Variants in EDEM3 observed in about 807,000 individuals in gnomAD.
EDEM3 encodes ER degradation-enhancing alpha-mannosidase-like protein 3.
Under a neutral mutation model 110.2 loss-of-function variants are expected in EDEM3, and 60 were observed. The observed-to-expected ratio is 0.54, with a 90% CI of 0.44 to 0.67. The LOEUF (loss-of-function observed/expected upper bound fraction) is 0.67. EDEM3 is among the 30% of genes least tolerant of loss of function. The pLI, the probability that EDEM3 is intolerant of heterozygous loss-of-function variation, is 0.00. For synonymous variants in EDEM3, 352 were observed against 382.9 expected, an observed-to-expected ratio of 0.92 and a Z score of 0.94; for missense variants, 996 against 1,121.0, an observed-to-expected ratio of 0.89 and a Z score of 1.59.
intron 4 of EDEM3, among the ~76,000 whole-genome samples, chr1:184,735,965 A>C (rs1651799346): frequency 6.6e-6 from 1 of 152,176 alleles, no homozygotes; most frequent in South Asian, 2.1e-4. Context: ...TAAACCAAAA[A>C]CAAGGCACAC....
chr1:184,749,615 G>GC, intron 1 of EDEM3, 23 bp from the exon 2 acceptor site: 3 of 1,086,232 alleles, frequency 2.8e-6, no homozygotes, highest in Non-Finnish European at 3.6e-6. Flanking sequence ...GAGCAGAAAT[G>GC]GAAAAAAAAA....
intron 18 of EDEM3, among the ~76,000 whole-genome samples, chr1:184,704,649 CAAAAAAAAAAAAAAAAAAAA>C (rs58913815): frequency 3.3e-5 from 1 of 29,904 alleles, no homozygotes; most frequent in African/African-American, 1.1e-4. Context: ...GACTCTGTCT[CAAAAAAAAAAAAAAAAAAAA>C]AAAAAAAAAA....
rs1233691917 is a variant in EDEM3 at position 184,692,405 on chromosome 1, T to C, written c.*1658A>G. The C allele has an allele frequency of 6.6e-6, 1 of 152,110 alleles. No homozygotes were observed. The highest frequency in any genetic ancestry group is 1.5e-5 in the Non-Finnish European group (1 of 68,000). The allele number at this position is 152,110 out of a possible 1,614,324, so 9.4% of individuals were successfully genotyped here. A position where few individuals can be genotyped will look rare whatever the true frequency, so the allele number is the denominator to read the frequency against. Reference sequence around the variant, plus strand: ...TCCATCAGATTTACTACTCCCTGACTCAATTATATTTACCTGGAATATCTG... The same window carrying C: ...TCCATCAGATTTACTACTCCCTGACCCAATTATATTTACCTGGAATATCTG... On this transcript the variant is annotated 3_prime_UTR_variant, in exon 20 of 20. Transcript: ENST00000318130.
rs779717097 is a variant in EDEM3 at position 184,706,795 on chromosome 1, A to G, written c.2051T>C (p.Val684Ala). 1.3e-5 allele frequency: 21 copies of G among 1,613,268 alleles called. No homozygotes were observed. Among genetic ancestry groups the G allele is most frequent in the Non-Finnish European group, 1.7e-5 (20 of 1,179,712 alleles). Residue 684 changes from valine (V) to alanine (A), a missense_variant, in exon 18 of 20, where the codon GTT (valine) becomes GCT (alanine). Physicochemically the swap from Val to Ala is moderately conservative, Grantham distance 64. This residue lies in a region of EDEM3 where 345 missense variants were observed against 402.0 expected (regional missense o/e 0.86). Coordinates refer to ENST00000318130, the MANE Select transcript of EDEM3 (RefSeq NM_025191.4). ...ACCATTGGATGGTTTACTGCTTGCA[A>G]CAAATCCTCTTGTCTGTCAGAAATA... ...LSKHKETRGF[V>A]ASSKPSNGCS...
chr1:184,737,776 A>T (rs115727889), intron 2 of EDEM3, 65 bp from the exon 3 acceptor site: 39 of 1,390,948 alleles, frequency 2.8e-5, no homozygotes, highest in Non-Finnish European at 3.7e-5. Flanking sequence ...TTTTGAGAAC[A>T]TAACTTTTTC....
At chr1:184,698,201 T>C (rs2102055847) in intron 19 of EDEM3, among the ~76,000 whole-genome samples, 1 of 151,954 alleles carries the variant, frequency 6.6e-6, no homozygotes, top group African/African-American at 2.4e-5. Context: ...ACAACCTTTT[T>C]TGGAATGCAA....
At chr1:184,717,484 A>C (rs1434719259) in intron 12 of EDEM3, 56 bp downstream of exon 12, 1 of 1,399,082 alleles carries the variant, frequency 7.1e-7, no homozygotes, top group Admixed American at 1.9e-5. Context: ...AAAGAATGAG[A>C]GATCCAACAG....
intron 2 of EDEM3, among the ~76,000 whole-genome samples, chr1:184,746,462 C>T (rs984618715): frequency 1.3e-5 from 2 of 152,156 alleles, no homozygotes; most frequent in African/African-American, 4.8e-5. Flanking sequence ...TAGTCGTTAT[C>T]AGTAGCAGCA....
intron 18 of EDEM3, among the ~76,000 whole-genome samples, chr1:184,704,422 A>G (rs2102063695): frequency 6.6e-6 from 1 of 151,974 alleles, no homozygotes; most frequent in East Asian, 1.9e-4. Flanking sequence ...TTGGAGGCCA[A>G]GGCAGACCAC....
chr1:184,736,691 G>A (rs1651842715), intron 4 of EDEM3, among the ~76,000 whole-genome samples: 1 of 152,056 alleles, frequency 6.6e-6, no homozygotes, highest in Non-Finnish European at 1.5e-5. Flanking sequence ...ATTTTGGCAT[G>A]TCATTATGGA....
chr1:184,714,455 G>T (rs1175701775), intron 13 of EDEM3, among the ~76,000 whole-genome samples: 4 of 152,140 alleles, frequency 2.6e-5, no homozygotes, highest in African/African-American at 4.8e-5. Context: ...GGAAAATACA[G>T]ATATTTCCAT....
chr1:184,723,411 A>C (rs1651007245), intron 8 of EDEM3, among the ~76,000 whole-genome samples: 2 of 152,024 alleles, frequency 1.3e-5, no homozygotes, highest in African/African-American at 4.8e-5. Flanking sequence ...AGGAGAAAAA[A>C]AGAATTTATT....
intron 1 of EDEM3, among the ~76,000 whole-genome samples, chr1:184,751,034 A>G (rs189000827): frequency 1.4e-3 from 207 of 144,844 alleles, no homozygotes; most frequent in Non-Finnish European, 2.5e-3. Flanking sequence ...AATCAAGTAC[A>G]CTCAAACTTG....
chr1:184,694,490 A>G lies in EDEM3; in HGVS notation c.2390-18T>C. On this transcript the variant is annotated intron_variant, in intron 19 of 19. Coordinates refer to ENST00000318130, the MANE Select transcript of EDEM3 (RefSeq NM_025191.4). ...TTCAGGATCTGTATGAGAAAGAAAC[A>G]AACCTCATGCTACTTCTCTAAAAAA... 6.4e-7 allele frequency: 1 copy of G among 1,558,644 alleles called. No homozygotes were observed. The highest frequency in any genetic ancestry group is 1.2e-5 in the South Asian group (1 of 85,282).
chr1:184,737,079 T>A lies in EDEM3; in HGVS notation c.306-15A>T, dbSNP rs767432021. 26 of 401,524 alleles carry A rather than the reference T, an allele frequency of 6.5e-5. 1 individual carries two copies. The highest frequency in any genetic ancestry group is 4.1e-4 in the South Asian group (6 of 14,714). The allele number at this position is 401,524 out of a possible 1,614,324, so 24.9% of individuals were successfully genotyped here. A position where few individuals can be genotyped will look rare whatever the true frequency, so the allele number is the denominator to read the frequency against. ...TCAGAGAAAATCTAAGAAACAAGCG[T>A]TAACAAGATATAAAACATTAGAATC... On this transcript the variant is annotated splice_polypyrimidine_tract_variant and intron_variant, in intron 3 of 19. Transcript: ENST00000318130.
In EDEM3 at chr1:184,746,807, A is replaced by G. The variant is rs146590438; in HGVS notation, c.204+2740T>C. 5.2e-3 allele frequency among the ~76,000 whole-genome samples: 799 copies of G among 152,340 alleles called. 3 individuals are homozygous for G. The highest frequency in any genetic ancestry group is 7.0e-3 in the Non-Finnish European group (475 of 68,016). Reference sequence around the variant, plus strand: ...ACTGTAGACCAGACTGGAGAGTAGTATTAGAAAGAACTAGTGAGAAATGAG... The same window carrying G: ...ACTGTAGACCAGACTGGAGAGTAGTGTTAGAAAGAACTAGTGAGAAATGAG... On this transcript the variant is annotated intron_variant, in intron 2 of 19. Coordinates refer to ENST00000318130, the MANE Select transcript of EDEM3 (RefSeq NM_025191.4).
chr1:184,694,862 A>AATCAATTTTAAACAGC (rs1649247810), intron 19 of EDEM3, among the ~76,000 whole-genome samples: 1 of 152,078 alleles, frequency 6.6e-6, no homozygotes, highest in Non-Finnish European at 1.5e-5. Flanking sequence ...TATTAAACAG[A>AATCAATTTTAAACAGC]ATCAATTTTA....
chr1:184,704,649 C>CAAAAAAAA (rs58913815), intron 18 of EDEM3, among the ~76,000 whole-genome samples: 440 of 29,906 alleles, frequency 0.015, 55 homozygotes, highest in Middle Eastern at 0.05. Context: ...GACTCTGTCT[C>CAAAAAAAA]AAAAAAAAAA....
intron 6 of EDEM3, among the ~76,000 whole-genome samples, chr1:184,730,764 T>C (rs1651466778): frequency 6.6e-6 from 1 of 152,022 alleles, no homozygotes; most frequent in African/African-American, 2.4e-5. Flanking sequence ...CAGTCAAGGA[T>C]GACTTCTTGA....
Sources: allele counts gnomAD v4.1 joint callset (sites outside exome capture counted in the v4.1 genomes callset), GRCh38; gene constraint gnomAD v4.1.1; regional missense constraint gnomAD v4.1.1; transcripts MANE v1.5; gene names NCBI Gene and HGNC (gene_info 2026-07-23, HGNC 2026-07-21).